The following ARMC9 variants were observed in gnomAD, a reference collection of about 807,000 sequenced individuals.
The protein encoded by ARMC9 is armadillo repeat containing 9.
A neutral mutation model predicts 107.0 loss-of-function variants in ARMC9; 94 were observed. That is an observed-to-expected ratio of 0.88 (90% confidence interval 0.74 to 1.04). The LOEUF is 1.04. ARMC9 is among the 50% of genes least tolerant of loss of function. ARMC9 has a pLI of 0.00. For synonymous variants in ARMC9, 380 were observed against 396.9 expected (o/e 0.96, Z 0.51); for missense variants, 942 against 1,030.1 (o/e 0.91, Z 1.17).
chr2:231,267,987 A>T (rs1409829338), intron 12 of ARMC9, among the ~76,000 whole-genome samples: 2 of 152,240 alleles, frequency 1.3e-5, no homozygotes, highest in Non-Finnish European at 2.9e-5. Context: ...CAGTAGAATG[A>T]ATACCTGTGA....
At chr2:231,298,775 A>C (rs1417794001) in intron 19 of ARMC9, among the ~76,000 whole-genome samples, 1 of 152,188 alleles carries the variant, frequency 6.6e-6, no homozygotes, top group Non-Finnish European at 1.5e-5. Context: ...TCTACTAAAA[A>C]TACAAAAATT....
rs148764006 is a variant in ARMC9, at chr2:231,222,921, G to A, written c.597+101G>A. ...TTTATTGAGGTTGCCTCATTAAATC[G>A]GGATAATTAATAGTGTTGCTTTCAT... On this transcript the variant is annotated intron_variant, in intron 6 of 24. Transcript: ENST00000611582. 4.0e-4 allele frequency: 274 copies of A among 692,134 alleles called. 3 individuals are homozygous for A. The African/African-American group carries it at 4.2e-3, about 11-fold the overall frequency. 42.9% of individuals were successfully genotyped at this position (692,134 alleles called of 1,614,324 possible). A position where few individuals can be genotyped will look rare whatever the true frequency, so the allele number is the denominator to read the frequency against.
intron 6 of ARMC9, 121 bp downstream of exon 6, chr2:231,222,941 T>C (rs946218768): frequency 1.7e-6 from 1 of 589,302 alleles, no homozygotes; most frequent in African/African-American, 1.9e-5. Flanking sequence ...ATAGTGTTGC[T>C]TTCATATTTA....
chr2:231,251,915 G>C lies in ARMC9; in HGVS notation c.880-4671G>C, dbSNP rs546146049. Among the ~76,000 whole-genome samples the C allele has an allele frequency of 5.9e-5, 9 of 152,230 alleles. 2 individuals are homozygous for C. The South Asian group carries it at 1.9e-3, about 32-fold the overall frequency. On this transcript the variant is annotated intron_variant, in intron 9 of 24. Transcript: ENST00000611582. ...TAATTTTTACTTTTTGTTGAGATGA[G>C]TCTCACTGTGTTGCCTGGCTGGCCT...
At chr2:231,359,632 G>A (rs2045487554) in intron 22 of ARMC9, among the ~76,000 whole-genome samples, 1 of 152,144 alleles carries the variant, frequency 6.6e-6, no homozygotes, top group African/African-American at 2.4e-5. Context: ...TTGTAATGGG[G>A]TTCCCCTGCG....
rs1184708406 is a variant in ARMC9, at chr2:231,366,904, G to A, written c.2262-3049G>A. On this transcript the variant is annotated intron_variant, in intron 23 of 24. Coordinates refer to ENST00000611582, the MANE Select transcript of ARMC9 (RefSeq NM_001352754.2). ...CTCGCTCTGTCGCCCAGGCTAGAGT[G>A]CAGTGGCGCAATCTCGGCTCACTGC... Among the ~76,000 whole-genome samples, 10 of 149,146 alleles carry A rather than the reference G, an allele frequency of 6.7e-5. No homozygotes were observed. The East Asian group carries it at 1.3e-3, about 19-fold the overall frequency.
chr2:231,293,554 T>G lies in ARMC9; in HGVS notation c.1717+2111T>G, dbSNP rs1463508584. Reference sequence around the variant, plus strand: ...CCAAAAAACATCTTTTTCTCTTTTATAAGCCTTGCCCTTGGACCAGCCTGC... The same window carrying G: ...CCAAAAAACATCTTTTTCTCTTTTAGAAGCCTTGCCCTTGGACCAGCCTGC... On this transcript the variant is annotated intron_variant, in intron 18 of 24. Coordinates refer to ENST00000611582, the MANE Select transcript of ARMC9 (RefSeq NM_001352754.2). 2.0e-5 allele frequency among the ~76,000 whole-genome samples: 3 copies of G among 152,218 alleles called. No homozygotes were observed. The East Asian group carries it at 5.8e-4, about 29-fold the overall frequency.
chr2:231,288,395 A>G (rs2040754959), intron 17 of ARMC9, among the ~76,000 whole-genome samples: 2 of 152,194 alleles, frequency 1.3e-5, no homozygotes, highest in African/African-American at 4.8e-5. Flanking sequence ...CAAGTTTTCT[A>G]TACAGAACTT....
At chr2:231,204,059 AGCTACTCAGGAG>A (rs2031561316) in intron 1 of ARMC9, among the ~76,000 whole-genome samples, 1 of 151,910 alleles carries the variant, frequency 6.6e-6, no homozygotes, top group African/African-American at 2.4e-5. Flanking sequence ...CTGTAGGCCC[AGCTACTCAGGAG>A]GCTGAGGTGG....
At chr2:231,271,328 A>C (rs1201945612) in intron 13 of ARMC9, among the ~76,000 whole-genome samples, 1 of 152,240 alleles carries the variant, frequency 6.6e-6, no homozygotes, top group Non-Finnish European at 1.5e-5. Flanking sequence ...CTGGTTTTGT[A>C]ACATAGTAAC....
Position 231,376,832 on chromosome 2 carries a change from C to A in ARMC9, c.*5297C>A, listed in dbSNP as rs1425546164. On this transcript the variant is annotated 3_prime_UTR_variant, in exon 25 of 25. Coordinates refer to ENST00000611582, the MANE Select transcript of ARMC9 (RefSeq NM_001352754.2). ...CAACGTGTGATGTCTCCCCCGGACA[C>A]CCAGCTTTACAATTTCTCTCTTTTG... is the stretch of plus-strand genomic sequence containing the variant. 6.6e-6 allele frequency among the ~76,000 whole-genome samples: 1 copy of A among 152,138 alleles called. No individual in the cohort carries two copies. The highest frequency in any genetic ancestry group is 2.4e-5 in the African/African-American group (1 of 41,410).
At chr2:231,289,154 A>G (rs1167340351) in intron 17 of ARMC9, among the ~76,000 whole-genome samples, 1 of 152,202 alleles carries the variant, frequency 6.6e-6, no homozygotes, top group African/African-American at 2.4e-5. Context: ...ATTACCTAAT[A>G]TATGTGATTT....
chr2:231,298,668 C>T (rs750727049), intron 19 of ARMC9, among the ~76,000 whole-genome samples: 1 of 152,182 alleles, frequency 6.6e-6, no homozygotes, highest in Non-Finnish European at 1.5e-5. Context: ...CTAATGGGGC[C>T]AGGCACGGTG....
intron 20 of ARMC9, among the ~76,000 whole-genome samples, chr2:231,340,446 G>A (rs1300947826): frequency 2.0e-5 from 3 of 152,094 alleles, no homozygotes; most frequent in African/African-American, 7.2e-5. Flanking sequence ...TGTAACTGGG[G>A]GCATTTGAAG....
chr2:231,268,308 A>G (rs1428304383), intron 12 of ARMC9, among the ~76,000 whole-genome samples: 1 of 152,184 alleles, frequency 6.6e-6, no homozygotes, highest in Non-Finnish European at 1.5e-5. Flanking sequence ...CAGGCTGTAC[A>G]TGTGATCTGT....
chr2:231,228,432 G>C (rs1042191681), intron 7 of ARMC9, among the ~76,000 whole-genome samples: 1 of 152,182 alleles, frequency 6.6e-6, no homozygotes, highest in Non-Finnish European at 1.5e-5. Context: ...TGGCTGTCAC[G>C]TGGGGTCTCA....
At chr2:231,336,439 C>T (rs1559479975) in intron 20 of ARMC9, among the ~76,000 whole-genome samples, 1 of 152,176 alleles carries the variant, frequency 6.6e-6, no homozygotes, top group Non-Finnish European at 1.5e-5. Context: ...TCACCTGAGC[C>T]CACCTGCCTT....
chr2:231,299,283 A>G lies in ARMC9; in HGVS notation c.1773+3030A>G, dbSNP rs148208169. Among the ~76,000 whole-genome samples, 824 of 152,362 alleles carry G rather than the reference A, an allele frequency of 5.4e-3. 5 individuals are homozygous for G. The highest frequency in any genetic ancestry group is 6.2e-3 in the Non-Finnish European group (423 of 68,042). On this transcript the variant is annotated intron_variant, in intron 19 of 24. Coordinates refer to ENST00000611582, the MANE Select transcript of ARMC9 (RefSeq NM_001352754.2). ...AGGAAATCATAAAGTAATTTGACCA[A>G]TAATTTCGGAAAAAGCAAATGTATA...
chr2:231,335,777 G>A (rs1367186053), intron 20 of ARMC9, among the ~76,000 whole-genome samples: 2 of 152,160 alleles, frequency 1.3e-5, no homozygotes, highest in Non-Finnish European at 1.5e-5. Flanking sequence ...ACCGTGCTGA[G>A]TAATCAACAA....
Sources: allele counts gnomAD v4.1 joint callset (sites outside exome capture counted in the v4.1 genomes callset), GRCh38; gene constraint gnomAD v4.1.1; transcripts MANE v1.5; gene names NCBI Gene and HGNC (gene_info 2026-07-23, HGNC 2026-07-21).